ANKS1B: variants seen among roughly 807,000 people sequenced by gnomAD.
ANKS1B encodes the protein ankyrin repeat and sterile alpha motif domain containing 1B, also known as ankyrin repeat and sterile alpha motif domain-containing protein 1B.
Under a neutral mutation model 148.3 loss-of-function variants are expected in ANKS1B, and 36 were observed. The ratio of observed to expected loss-of-function variants is 0.24; its 90% CI spans 0.19 to 0.32. ANKS1B has a LOEUF of 0.32. Ranked by LOEUF, ANKS1B falls within the 10% of genes least tolerant of loss-of-function variation. The pLI, the probability that ANKS1B is intolerant of heterozygous loss-of-function variation, is 1.00. For missense variants in ANKS1B, 1,157 were observed against 1,542.6 expected, an observed-to-expected ratio of 0.75 and a Z score of 4.19; for synonymous variants, 542 against 560.8, an observed-to-expected ratio of 0.97 and a Z score of 0.47.
chr12:99,189,166 C>A (rs1192322942), intron 14 of ANKS1B, among the ~76,000 whole-genome samples: 1 of 152,154 alleles, frequency 6.6e-6, no homozygotes, highest in Admixed American at 6.5e-5. Context: ...CCTGAATAGA[C>A]CAACAACAAG....
At chr12:99,743,801 G>A (rs1285201476) in intron 8 of ANKS1B, among the ~76,000 whole-genome samples, 2 of 152,194 alleles carry the variant, frequency 1.3e-5, no homozygotes, top group African/African-American at 4.8e-5. Flanking sequence ...ATGGAGTAGT[G>A]TTAATTTCAA....
At chr12:99,434,763 G>C (rs2095432407) in intron 11 of ANKS1B, among the ~76,000 whole-genome samples, 1 of 151,692 alleles carries the variant, frequency 6.6e-6, no homozygotes, top group Non-Finnish European at 1.5e-5. Context: ...GGTGCCAGGG[G>C]TACATGTGCA....
At chr12:98,982,978 T>TCTA (rs2099914624) in intron 17 of ANKS1B, among the ~76,000 whole-genome samples, 1 of 152,228 alleles carries the variant, frequency 6.6e-6, no homozygotes, top group Non-Finnish European at 1.5e-5. Flanking sequence ...GTGGTTATAT[T>TCTA]GACTTGTTCT....
At chr12:99,888,613 C>G (rs749545434) in intron 1 of ANKS1B, among the ~76,000 whole-genome samples, 3 of 152,098 alleles carry the variant, frequency 2.0e-5, no homozygotes, top group Non-Finnish European at 2.9e-5. Context: ...GAAAAAAGAT[C>G]GGCCAACTAA....
chr12:99,394,062 C>T (rs1411262188), intron 12 of ANKS1B, among the ~76,000 whole-genome samples: 1 of 152,282 alleles, frequency 6.6e-6, no homozygotes, highest in East Asian at 1.9e-4. Flanking sequence ...TTTAAATAGG[C>T]CTTTAATGCT....
intron 17 of ANKS1B, among the ~76,000 whole-genome samples, chr12:98,873,354 T>A (rs1385923201): frequency 6.6e-6 from 1 of 152,230 alleles, no homozygotes; most frequent in Non-Finnish European, 1.5e-5. Context: ...TAAGTGTTTG[T>A]TGAATGAATG....
intron 17 of ANKS1B, among the ~76,000 whole-genome samples, chr12:98,902,503 T>A (rs1160939301): frequency 6.6e-6 from 1 of 152,182 alleles, no homozygotes; most frequent in Non-Finnish European, 1.5e-5. Flanking sequence ...TAAAATCTGA[T>A]TTTTCACTTA....
intron 12 of ANKS1B, among the ~76,000 whole-genome samples, chr12:99,300,917 ATATT>A (rs2081508825): frequency 1.3e-5 from 2 of 152,174 alleles, no homozygotes; most frequent in Admixed American, 1.3e-4. Flanking sequence ...ATAAAAGAGG[ATATT>A]TATTATGGGA....
At chr12:99,191,973 A>G (rs767695032) in intron 14 of ANKS1B, among the ~76,000 whole-genome samples, 3 of 151,930 alleles carry the variant, frequency 2.0e-5, no homozygotes, top group African/African-American at 4.8e-5. Context: ...CTCTACTAAA[A>G]ATACAAAAAT....
At chr12:99,715,296 T>C (rs2057165312) in intron 8 of ANKS1B, among the ~76,000 whole-genome samples, 2 of 152,046 alleles carry the variant, frequency 1.3e-5, no homozygotes, top group Non-Finnish European at 2.9e-5. Flanking sequence ...GAAGTGAAAA[T>C]GGCCTGTTCC....
intron 10 of ANKS1B, among the ~76,000 whole-genome samples, chr12:99,470,951 T>C (rs2152902473): frequency 6.6e-6 from 1 of 152,264 alleles, no homozygotes; most frequent in East Asian, 1.9e-4. Context: ...CTTCAAGTTA[T>C]ATGAATACTA....
chr12:99,730,769 G>A (rs534334237), intron 8 of ANKS1B, among the ~76,000 whole-genome samples: 1 of 152,132 alleles, frequency 6.6e-6, no homozygotes, highest in East Asian at 1.9e-4. Flanking sequence ...AGGAGGGAAA[G>A]GGTCTCAGTT....
chr12:99,776,109 G>A lies in ANKS1B; in HGVS notation c.848-448C>T, dbSNP rs58427764. Among the ~76,000 whole-genome samples the A allele has an allele frequency of 8.1e-3, 1,229 of 152,260 alleles. 13 individuals are homozygous for A. Among genetic ancestry groups the A allele is most frequent in the African/African-American group, 0.028 (1,172 of 41,546 alleles). ...CCAGGTAACATAAACGAATGAAATG[G>A]AATAAGTTCATTTCAAAATGGTGCT... On this transcript the variant is annotated intron_variant, in intron 6 of 26. Coordinates refer to ENST00000683438, the MANE Select transcript of ANKS1B (RefSeq NM_001352186.2).
chr12:99,824,142 T>G (rs1160052022), intron 2 of ANKS1B, among the ~76,000 whole-genome samples: 2 of 152,130 alleles, frequency 1.3e-5, no homozygotes, highest in Non-Finnish European at 1.5e-5. Flanking sequence ...ATGACATTAG[T>G]AATTTGATAG....
rs74807956 is a variant in ANKS1B at position 99,450,728 on chromosome 12, T to C, written c.1439-6919A>G. 0.012 allele frequency among the ~76,000 whole-genome samples: 1,797 copies of C among 152,332 alleles called. 77 individuals carry two copies. The East Asian group carries it at 0.13, about 11-fold the overall frequency. On this transcript the variant is annotated intron_variant, in intron 10 of 26. Transcript: ENST00000683438. Reference sequence around the variant, plus strand: ...ATTTTTGCATAAAGTCATATTTCTCTCTATATAGCTCTTAGCTTAATGCAA... The same window carrying C: ...ATTTTTGCATAAAGTCATATTTCTCCCTATATAGCTCTTAGCTTAATGCAA...
intron 8 of ANKS1B, among the ~76,000 whole-genome samples, chr12:99,657,659 A>ATATATATATATATT (rs66516058): frequency 0.24 from 34,734 of 146,170 alleles, 4,377 homozygotes; most frequent in South Asian, 0.35. Context: ...ATATATATAT[A>ATATATATATATATT]TGATAAAGTT....
chr12:99,036,844 G>A (rs2099955860), intron 17 of ANKS1B, among the ~76,000 whole-genome samples: 1 of 152,168 alleles, frequency 6.6e-6, no homozygotes, highest in African/African-American at 2.4e-5. Flanking sequence ...ACTCAACAAA[G>A]GCAGGAGTAA....
intron 17 of ANKS1B, among the ~76,000 whole-genome samples, chr12:98,899,456 T>C (rs1259886935): frequency 3.3e-5 from 5 of 152,228 alleles, no homozygotes; most frequent in Admixed American, 1.3e-4. Flanking sequence ...GAAGGTATTT[T>C]GTAGATGCAA....
At chr12:99,305,859 GA>G (rs1194929314) in intron 12 of ANKS1B, among the ~76,000 whole-genome samples, 1 of 152,114 alleles carries the variant, frequency 6.6e-6, no homozygotes, top group Non-Finnish European at 1.5e-5. Context: ...CAGTAATGGA[GA>G]ACCCATTTCT....
Sources: allele counts gnomAD v4.1 joint callset (sites outside exome capture counted in the v4.1 genomes callset), GRCh38; gene constraint gnomAD v4.1.1; transcripts MANE v1.5; gene names NCBI Gene and HGNC (gene_info 2026-07-23, HGNC 2026-07-21).